The following GOLM2 variants were observed in gnomAD, a reference collection of about 807,000 sequenced individuals.
GOLM2 encodes the protein golgi membrane protein 2, also known as protein GOLM2.
A neutral mutation model predicts 55.9 loss-of-function variants in GOLM2; 26 were observed. That is an observed-to-expected ratio of 0.47 (90% CI 0.34 to 0.65). GOLM2 has a LOEUF of 0.65. Among genes scored for constraint, GOLM2 ranks in the 30% least tolerant of loss-of-function variants. GOLM2 has a pLI of 0.01. For synonymous variants in GOLM2, 165 were observed against 194.6 expected (o/e 0.85, Z 1.27); for missense variants, 486 against 531.8 (o/e 0.91, Z 0.85).
At chr15:44,333,181 C>G (rs2079033809) in intron 4 of GOLM2, among the ~76,000 whole-genome samples, 1 of 152,190 alleles carries the variant, frequency 6.6e-6, no homozygotes, top group South Asian at 2.1e-4. Context: ...ATCCGCCCAC[C>G]TCGGCCTTCC....
At chr15:44,295,917 T>C (rs113851945) in intron 1 of GOLM2, among the ~76,000 whole-genome samples, 22 of 143,142 alleles carry the variant, frequency 1.5e-4, no homozygotes, top group African/African-American at 3.3e-4. Context: ...CCACCACACA[T>C]ACACACACAC....
At chr15:44,306,817 C>A (rs2078840665) in intron 1 of GOLM2, among the ~76,000 whole-genome samples, 1 of 152,084 alleles carries the variant, frequency 6.6e-6, no homozygotes, top group African/African-American at 2.4e-5. Context: ...TTATCGTCTC[C>A]CCAACCCTTG....
At chr15:44,368,086 T>C (rs1480225576) in intron 6 of GOLM2, among the ~76,000 whole-genome samples, 1 of 152,046 alleles carries the variant, frequency 6.6e-6, no homozygotes, top group Non-Finnish European at 1.5e-5. Context: ...AATTTTACAA[T>C]GCTATCTTTT....
At chr15:44,380,699 T>A in intron 7 of GOLM2, 107 bp from the exon 8 acceptor site, 3 of 692,278 alleles carry the variant, frequency 4.3e-6, no homozygotes, top group Non-Finnish European at 4.1e-6. Context: ...GGCTACCCAA[T>A]GTTAAACAAT....
At chr15:44,375,262 G>A (rs1163644120) in intron 6 of GOLM2, among the ~76,000 whole-genome samples, 6 of 152,002 alleles carry the variant, frequency 3.9e-5, no homozygotes, top group South Asian at 2.1e-4. Flanking sequence ...CTCGTGATCC[G>A]CCCACCTCAG....
chr15:44,345,932 C>CG (rs2079121608), intron 6 of GOLM2: 1 of 151,866 alleles, frequency 6.6e-6, no homozygotes, highest in Admixed American at 6.6e-5. Context: ...GACAGAGTCT[C>CG]GCTCTGTTGT....
At chr15:44,298,357 A>G (rs1409906978) in intron 1 of GOLM2, among the ~76,000 whole-genome samples, 1 of 140,380 alleles carries the variant, frequency 7.1e-6, no homozygotes, top group African/African-American at 2.7e-5. Flanking sequence ...TCCGCCTCCC[A>G]GGTTCAAGTG....
intron 6 of GOLM2, among the ~76,000 whole-genome samples, chr15:44,373,406 G>A (rs958731817): frequency 6.6e-6 from 1 of 150,740 alleles, no homozygotes; most frequent in Admixed American, 6.6e-5. Flanking sequence ...GCAGTGAGCC[G>A]AGTTCGTGCC....
chr15:44,397,148 A>G (rs1404921015), intron 8 of GOLM2, among the ~76,000 whole-genome samples: 2 of 152,124 alleles, frequency 1.3e-5, no homozygotes, highest in African/African-American at 4.8e-5. Context: ...AAAAGTTGAA[A>G]TGCCTCAGAG....
chr15:44,362,267 GACA>G (rs2079246183), intron 6 of GOLM2, among the ~76,000 whole-genome samples: 1 of 152,116 alleles, frequency 6.6e-6, no homozygotes, highest in Non-Finnish European at 1.5e-5. Context: ...CCTGTTTGCA[GACA>G]ACATGATTGT....
At chr15:44,333,758 C>T (rs1011323811) in intron 4 of GOLM2, among the ~76,000 whole-genome samples, 4 of 151,970 alleles carry the variant, frequency 2.6e-5, no homozygotes, top group Non-Finnish European at 5.9e-5. Flanking sequence ...ACTCTGTCAC[C>T]CAGGCTGGAG....
At chr15:44,297,588 GTC>G (rs1376238910) in intron 1 of GOLM2, among the ~76,000 whole-genome samples, 1 of 150,276 alleles carries the variant, frequency 6.7e-6, no homozygotes, top group Non-Finnish European at 1.5e-5. Flanking sequence ...TTGAGGCAGA[GTC>G]TTGCTCTGTC....
intron 6 of GOLM2, among the ~76,000 whole-genome samples, chr15:44,365,936 G>T (rs2079280485): frequency 6.6e-6 from 1 of 152,288 alleles, no homozygotes; most frequent in African/African-American, 2.4e-5. Flanking sequence ...CCATGGCCAT[G>T]TATGGGAGCA....
intron 2 of GOLM2, among the ~76,000 whole-genome samples, chr15:44,325,955 G>A (rs577445227): frequency 6.6e-6 from 1 of 152,034 alleles, no homozygotes; most frequent in East Asian, 1.9e-4. Flanking sequence ...ACATATTGGA[G>A]AATTAATATT....
chr15:44,387,669 T>G (rs1213694244), intron 8 of GOLM2, among the ~76,000 whole-genome samples: 1 of 150,940 alleles, frequency 6.6e-6, no homozygotes, highest in Non-Finnish European at 1.5e-5. Context: ...GGCTGAGACA[T>G]GAAAATCGCT....
At chr15:44,322,577 AT>A (rs1043540433) in intron 1 of GOLM2, among the ~76,000 whole-genome samples, 6 of 152,096 alleles carry the variant, frequency 3.9e-5, no homozygotes, top group African/African-American at 7.2e-5. Flanking sequence ...CCAAGGTCTT[AT>A]TTTAATTTTT....
At chr15:44,295,075 A>C (rs1168921501) in intron 1 of GOLM2, among the ~76,000 whole-genome samples, 1 of 151,498 alleles carries the variant, frequency 6.6e-6, no homozygotes, top group East Asian at 1.9e-4. Context: ...TAAACACATA[A>C]ATTCCTTTTT....
chr15:44,377,075 C>T (rs907307614), intron 6 of GOLM2, among the ~76,000 whole-genome samples: 1 of 152,134 alleles, frequency 6.6e-6, no homozygotes, highest in Non-Finnish European at 1.5e-5. Context: ...GTTTATGGGG[C>T]TCTAAAGTTT....
chr15:44,310,248 G>T (rs1398890911), intron 1 of GOLM2, among the ~76,000 whole-genome samples: 1 of 151,740 alleles, frequency 6.6e-6, no homozygotes, highest in East Asian at 1.9e-4. Context: ...AATTTACTTT[G>T]TGCAGCATTA....
Sources: gnomAD v4.1 joint callset for allele counts (sites outside exome capture counted in the v4.1 genomes callset) on GRCh38, gnomAD v4.1.1 for gene constraint, MANE v1.5 for transcripts, NCBI Gene and HGNC (gene_info 2026-07-23, HGNC 2026-07-21) for gene names.